Variants in PLEKHG7 observed in about 807,000 individuals in gnomAD.
PLEKHG7 encodes the protein pleckstrin homology and RhoGEF domain containing G7.
Under a neutral mutation model 85.2 loss-of-function variants are expected in PLEKHG7, and 77 were observed. That is an observed-to-expected ratio of 0.90 (90% CI 0.75 to 1.09). The LOEUF (loss-of-function observed/expected upper bound fraction) is 1.09. Ranked by LOEUF, PLEKHG7 falls within the 50% of genes least tolerant of loss-of-function variation. The pLI is 0.00. For missense variants in PLEKHG7, 777 were observed against 804.3 expected (o/e 0.97, Z 0.41); for synonymous variants, 301 against 302.4 (o/e 1.00, Z 0.05).
rs533321237 is a variant in PLEKHG7, at chr12:92,718,131, C to G, written c.530+10459C>G. Reference sequence around the variant, plus strand: ...TTATGTCCCTAGCACTGTCTGTTAACTGTAGAACATACTAGAGGAGAAGAC... The same window carrying G: ...TTATGTCCCTAGCACTGTCTGTTAAGTGTAGAACATACTAGAGGAGAAGAC... On this transcript the variant is annotated intron_variant, in intron 3 of 16. Coordinates refer to ENST00000344636, the MANE Select transcript of PLEKHG7 (RefSeq NM_001377329.1). Among the ~76,000 whole-genome samples the G allele has an allele frequency of 3.9e-5, 6 of 152,320 alleles. No individual in the cohort carries two copies. The East Asian group carries it at 1.2e-3, about 29-fold the overall frequency.
chr12:92,724,748 C>G (rs997592175), intron 3 of PLEKHG7, among the ~76,000 whole-genome samples: 1 of 152,138 alleles, frequency 6.6e-6, no homozygotes, highest in Non-Finnish European at 1.5e-5. Flanking sequence ...AAACTTTTTC[C>G]AGGATTCACA....
At chr12:92,723,412 T>C (rs1592676029) in intron 3 of PLEKHG7, among the ~76,000 whole-genome samples, 1 of 152,160 alleles carries the variant, frequency 6.6e-6, no homozygotes, top group East Asian at 1.9e-4. Flanking sequence ...CAACAATGGA[T>C]TAAGTTCTAA....
intron 5 of PLEKHG7, among the ~76,000 whole-genome samples, chr12:92,733,766 C>T (rs886143086): frequency 4.6e-5 from 7 of 152,178 alleles, no homozygotes; most frequent in African/African-American, 1.7e-4. Flanking sequence ...AAGAACTTGG[C>T]CAAGGAAGGG....
At chr12:92,745,331 A>G (rs949920724) in intron 9 of PLEKHG7, 147 bp from the exon 10 acceptor site, 4 of 586,098 alleles carry the variant, frequency 6.8e-6, no homozygotes, top group South Asian at 2.3e-5. Flanking sequence ...TTGTATTTCC[A>G]TGCAGTTGTG....
At chr12:92,721,576 G>T in intron 3 of PLEKHG7, 1 of 477,022 alleles carries the variant, frequency 2.1e-6, no homozygotes, top group Non-Finnish European at 3.1e-6. Context: ...TGGGGGTGGG[G>T]AAAGCCAGTG....
At chr12:92,716,889 A>G (rs1027898318) in intron 3 of PLEKHG7, among the ~76,000 whole-genome samples, 1 of 152,244 alleles carries the variant, frequency 6.6e-6, no homozygotes, top group Non-Finnish European at 1.5e-5. Flanking sequence ...GATGAATGGA[A>G]GAAGGAAGAC....
chr12:92,758,580 G>T (rs1872901103), intron 13 of PLEKHG7, among the ~76,000 whole-genome samples: 1 of 152,166 alleles, frequency 6.6e-6, no homozygotes, highest in Non-Finnish European at 1.5e-5. Flanking sequence ...TAGATGTATG[G>T]GTTGGAAGCT....
intron 1 of PLEKHG7, among the ~76,000 whole-genome samples, chr12:92,704,552 C>G (rs537608741): frequency 6.6e-6 from 1 of 152,120 alleles, no homozygotes; most frequent in Non-Finnish European, 1.5e-5. Flanking sequence ...AAAAGGGTAC[C>G]TCATGGGTTT....
At chr12:92,753,709 T>C (rs1872751144) in intron 10 of PLEKHG7, among the ~76,000 whole-genome samples, 1 of 152,220 alleles carries the variant, frequency 6.6e-6, no homozygotes, top group Non-Finnish European at 1.5e-5. Context: ...GCAAGAATCC[T>C]TCCTTTTCCC....
chr12:92,754,908 C>T (rs1872784590), intron 11 of PLEKHG7, among the ~76,000 whole-genome samples: 2 of 151,598 alleles, frequency 1.3e-5, no homozygotes, highest in Middle Eastern at 3.4e-3. Flanking sequence ...TTTTCTTTTA[C>T]AAGTTTAAAA....
chr12:92,755,640 C>G (rs1217824647), intron 11 of PLEKHG7, among the ~76,000 whole-genome samples, 185 bp from the exon 12 acceptor site: 1 of 152,190 alleles, frequency 6.6e-6, no homozygotes, highest in Non-Finnish European at 1.5e-5. Context: ...CTGCAAGAGA[C>G]TGATTCCAAA....
chr12:92,755,189 A>G (rs935737484), intron 11 of PLEKHG7, among the ~76,000 whole-genome samples: 19 of 152,260 alleles, frequency 1.2e-4, no homozygotes, highest in Middle Eastern at 3.4e-3. Context: ...ATGGATTCTC[A>G]TTGTTGAGGG....
intron 3 of PLEKHG7, among the ~76,000 whole-genome samples, chr12:92,723,117 G>A (rs1159342225): frequency 2.0e-5 from 3 of 152,200 alleles, no homozygotes; most frequent in East Asian, 1.9e-4. Context: ...GCATGGAGGC[G>A]TAAAGTGCAC....
intron 3 of PLEKHG7, among the ~76,000 whole-genome samples, chr12:92,728,552 C>T (rs1871891397): frequency 6.8e-6 from 1 of 147,698 alleles, no homozygotes; most frequent in South Asian, 2.1e-4. Flanking sequence ...TATATATATA[C>T]ACCACATTCC....
chr12:92,763,973 A>T, intron 14 of PLEKHG7, 68 bp from the exon 15 acceptor site: 2 of 1,362,104 alleles, frequency 1.5e-6, no homozygotes, highest in Non-Finnish European at 2.0e-6. Context: ...TTGCTTACAG[A>T]TGCACTTTAG....
intron 7 of PLEKHG7, among the ~76,000 whole-genome samples, chr12:92,739,080 A>G (rs1872269724): frequency 6.6e-6 from 1 of 152,158 alleles, no homozygotes; most frequent in Admixed American, 6.5e-5. Context: ...ATTTCTTCCC[A>G]TCTCTCACCC....
At position 92,749,999 on chromosome 12, in the gene PLEKHG7, A is replaced by ATT. The variant is rs1555195940; in HGVS notation, c.1252-4090_1252-4089dup. Among the ~76,000 whole-genome samples, 74 of 93,654 alleles carry ATT rather than the reference A, an allele frequency of 7.9e-4. 2 individuals carry two copies. The highest frequency in any genetic ancestry group is 2.5e-3 in the African/African-American group (60 of 23,764). The allele number at this position is 93,654 out of a possible 152,430, so 61.4% of individuals were successfully genotyped here. On this transcript the variant is annotated intron_variant, in intron 10 of 16. Coordinates refer to ENST00000344636, the MANE Select transcript of PLEKHG7 (RefSeq NM_001377329.1). ...TTATTTTATTTTATTATTTTATTTTATTATTTTATTTTATTTTATTTTATT... is the reference window on the plus strand; with the variant it reads ...TTATTTTATTTTATTATTTTATTTTATTTTATTTTATTTTATTTTATTTTATT...
At chr12:92,738,732 T>A (rs1872258305) in intron 7 of PLEKHG7, among the ~76,000 whole-genome samples, 1 of 152,234 alleles carries the variant, frequency 6.6e-6, no homozygotes, top group Admixed American at 6.5e-5. Context: ...ATACCATCCC[T>A]GGCTATCTCA....
chr12:92,725,180 G>C (rs1306037931), intron 3 of PLEKHG7, among the ~76,000 whole-genome samples: 1 of 152,136 alleles, frequency 6.6e-6, no homozygotes, highest in Admixed American at 6.5e-5. Context: ...AAGGCACCTA[G>C]GGGATAAAAC....
Sources: allele counts gnomAD v4.1 joint callset (sites outside exome capture counted in the v4.1 genomes callset), GRCh38; gene constraint gnomAD v4.1.1; transcripts MANE v1.5; gene names NCBI Gene and HGNC (gene_info 2026-07-23, HGNC 2026-07-21).